MOK: variants seen among roughly 807,000 people sequenced by gnomAD.
MOK encodes MAPK/MAK/MRK overlapping kinase.
A neutral mutation model predicts 54.2 loss-of-function variants in MOK; 59 were observed. The ratio of observed to expected loss-of-function variants is 1.09; its 90% CI spans 0.88 to 1.35. The LOEUF is 1.35. MOK is among the 40% of genes most tolerant of loss of function. The pLI is 0.00. For synonymous variants in MOK, 210 were observed against 202.7 expected, an observed-to-expected ratio of 1.04 and a Z score of -0.31; for missense variants, 517 against 526.2, an observed-to-expected ratio of 0.98 and a Z score of 0.17.
In MOK at chr14:102,230,110, C is replaced by A; in HGVS notation, c.982-453G>T. 1 of 161,726 alleles carries A rather than the reference C, an allele frequency of 6.2e-6. No individual in the cohort carries two copies. Among genetic ancestry groups the A allele is most frequent in the South Asian group, 1.7e-4 (1 of 5,752 alleles). The allele number at this position is 161,726 out of a possible 1,614,324, so 10.0% of individuals were successfully genotyped here. On this transcript the variant is annotated intron_variant, in intron 10 of 11. Transcript: ENST00000361847. The surrounding 1 kb of genome is among the most constrained non-coding windows in gnomAD (Gnocchi z 4.1). Reference sequence around the variant, plus strand: ...ACAGACTGGAGTGCAGTGGTGCAATCTTGGCTCACTGTAGCCTCAGCTTCC... The same window carrying A: ...ACAGACTGGAGTGCAGTGGTGCAATATTGGCTCACTGTAGCCTCAGCTTCC...
the MOK span, among the ~76,000 whole-genome samples, chr14:102,219,467 C>A: frequency 6.6e-6 from 1 of 152,270 alleles, no homozygotes; most frequent in Non-Finnish European, 1.5e-5. Context: ...GCAGGCCCAG[C>A]ACACTCCAGG....
At chr14:102,280,673 T>TG (rs1465640130) in intron 2 of MOK, 6 of 152,248 alleles carry the variant, frequency 3.9e-5, no homozygotes, top group African/African-American at 1.4e-4. Flanking sequence ...TTCATTCCTT[T>TG]GCTTAGTCGT....
In MOK at chr14:102,249,157, A is replaced by G. The variant is rs940333880; in HGVS notation, c.590+1655T>C. On this transcript the variant is annotated intron_variant, in intron 7 of 11. Transcript: ENST00000361847. The surrounding 1 kb of genome is among the most constrained non-coding windows in gnomAD (Gnocchi z 5.3). ...GTGCTTGACCTTTTGTTTCCACTTT[A>G]CCAATAGGTCCGACATGTGTTTTCT... Among the ~76,000 whole-genome samples the G allele has an allele frequency of 5.3e-5, 8 of 152,010 alleles. No individual in the cohort carries two copies. The highest frequency in any genetic ancestry group is 1.9e-4 in the African/African-American group (8 of 41,364).
In MOK at chr14:102,278,891, C is replaced by T. The variant is rs58411954; in HGVS notation, c.122+4587G>A. Among the ~76,000 whole-genome samples, 20 of 152,304 alleles carry T rather than the reference C, an allele frequency of 1.3e-4. No homozygotes were observed. In the South Asian group the frequency reaches 1.4e-3, roughly 11 times the overall value. On this transcript the variant is annotated intron_variant, in intron 2 of 11. Transcript: ENST00000361847. ...ACTTGTATTATCTGTTATGGAAAAACTGATTTACATAGCAAGTTGCTTTAT... is the reference window on the plus strand; with the variant it reads ...ACTTGTATTATCTGTTATGGAAAAATTGATTTACATAGCAAGTTGCTTTAT...
chr14:102,284,076 C>T (rs926618696), intron 1 of MOK, among the ~76,000 whole-genome samples: 5 of 152,252 alleles, frequency 3.3e-5, no homozygotes, highest in African/African-American at 1.2e-4. Context: ...CTAACAGCAA[C>T]TTTCCCTGGG....
chr14:102,233,806 G>A lies in MOK; in HGVS notation c.591-17C>T. The stretch of plus-strand genomic sequence containing the variant: ...GGCTGCAGACTGGAAGGGCAGAAGG[G>A]GCACTGTGGTCAGTGTTAGGGCAGA... On this transcript the variant is annotated splice_polypyrimidine_tract_variant and intron_variant, in intron 7 of 11. Coordinates refer to ENST00000361847, the MANE Select transcript of MOK (RefSeq NM_014226.3). The A allele has an allele frequency of 6.3e-7, 1 of 1,587,758 alleles. No homozygotes were observed. Among genetic ancestry groups the A allele is most frequent in the Non-Finnish European group, 8.6e-7 (1 of 1,156,072 alleles).
intron 1 of MOK, among the ~76,000 whole-genome samples, chr14:102,288,320 G>A (rs923345387): frequency 1.3e-5 from 2 of 152,122 alleles, no homozygotes; most frequent in Non-Finnish European, 2.9e-5. Context: ...AACAAAATGT[G>A]GTCTATCCAT....
chr14:102,219,782 T>C (rs2063674210), downstream of MOK, among the ~76,000 whole-genome samples: 2 of 152,296 alleles, frequency 1.3e-5, no homozygotes, highest in South Asian at 4.1e-4. Flanking sequence ...AGGGCTGCCA[T>C]CAAAAGGGCG....
Position 102,257,513 on chromosome 14 carries a change from G to GCCC in MOK, c.284-5519_284-5518insGGG, listed in dbSNP as rs1418792794. On this transcript the variant is annotated intron_variant, in intron 4 of 11. Coordinates refer to ENST00000361847, the MANE Select transcript of MOK (RefSeq NM_014226.3). The stretch of plus-strand genomic sequence containing the variant: ...TTGAGTTAATCAGAGAATAGGGGAG[G>GCCC]CTGTTATTTGCAACTAAAAGGGAGA... Among the ~76,000 whole-genome samples, 16 of 152,248 alleles carry GCCC rather than the reference G, an allele frequency of 1.1e-4. No individual in the cohort carries two copies. The East Asian group carries it at 3.1e-3, about 29-fold the overall frequency.
intron 2 of MOK, among the ~76,000 whole-genome samples, chr14:102,274,590 T>C (rs575193293): frequency 6.6e-6 from 1 of 151,816 alleles, no homozygotes; most frequent in Admixed American, 6.6e-5. Flanking sequence ...ATGAGCTATA[T>C]TCCTAGAATC....
intron 6 of MOK, 82 bp downstream of exon 6, chr14:102,251,674 T>TG (rs1273979898): frequency 5.4e-6 from 6 of 1,107,944 alleles, no homozygotes; most frequent in Non-Finnish European, 6.8e-6. Flanking sequence ...AAAGTTCCTC[T>TG]GGTAGGAGGA....
chr14:102,257,170 G>T (rs2067032107), intron 4 of MOK, among the ~76,000 whole-genome samples: 1 of 151,518 alleles, frequency 6.6e-6, no homozygotes, highest in African/African-American at 2.4e-5. Context: ...TTCCAGATGT[G>T]ACTTAGGCTC....
chr14:102,257,806 G>A lies in MOK; in HGVS notation c.283+5740C>T, dbSNP rs372538398. Among the ~76,000 whole-genome samples, 47 of 152,106 alleles carry A rather than the reference G, an allele frequency of 3.1e-4. No individual in the cohort carries two copies. In the East Asian group the frequency reaches 8.7e-3, roughly 28 times the overall value. ...ATCCTGGCCAACATGGTGAAACCCC[G>A]TCTCTACTAAAAATACAAAAATTAG... On this transcript the variant is annotated intron_variant, in intron 4 of 11. Transcript: ENST00000361847.
intron 4 of MOK, among the ~76,000 whole-genome samples, chr14:102,256,529 G>A (rs1347427181): frequency 2.6e-5 from 4 of 151,470 alleles, no homozygotes; most frequent in East Asian, 2.0e-4. Context: ...AGCTGAGATC[G>A]CCACTGCACT....
At chr14:102,284,793 TG>T (rs2069843223) in intron 1 of MOK, among the ~76,000 whole-genome samples, 1 of 152,130 alleles carries the variant, frequency 6.6e-6, no homozygotes, top group South Asian at 2.1e-4. Flanking sequence ...AAGGCAGGCT[TG>T]GGGCCAGGCG....
intron 1 of MOK, among the ~76,000 whole-genome samples, chr14:102,289,905 T>C (rs2070566546): frequency 6.6e-6 from 1 of 152,228 alleles, no homozygotes; most frequent in Admixed American, 6.5e-5. Context: ...AAAACAATTC[T>C]CTTAATAAGA....
chr14:102,257,582 C>T (rs1020506628), intron 4 of MOK, among the ~76,000 whole-genome samples: 1 of 152,190 alleles, frequency 6.6e-6, no homozygotes, highest in African/African-American at 2.4e-5. Flanking sequence ...TAAACAGCAA[C>T]TGGAGAATTC....
chr14:102,222,904 C>T (rs2064084260), downstream of MOK: 2 of 1,613,756 alleles, frequency 1.2e-6, no homozygotes, highest in African/African-American at 2.7e-5. The surrounding 1 kb of genome is among the most constrained non-coding windows in gnomAD (Gnocchi z 4.4). Context: ...GCTGCGCGCA[C>T]AGTCTCCCGG....
At chr14:102,274,203 C>T (rs1265103953) in intron 2 of MOK, among the ~76,000 whole-genome samples, 1 of 151,146 alleles carries the variant, frequency 6.6e-6, no homozygotes, top group African/African-American at 2.4e-5. Flanking sequence ...ATGATCTGCC[C>T]GCCTCGGCCT....
Sources: allele counts gnomAD v4.1 joint callset (sites outside exome capture counted in the v4.1 genomes callset), GRCh38; gene constraint gnomAD v4.1.1; non-coding constraint Gnocchi (gnomAD v3.1); transcripts MANE v1.5; gene names NCBI Gene and HGNC (gene_info 2026-07-23, HGNC 2026-07-21).